ATP6V1A: variants seen among roughly 807,000 people sequenced by gnomAD.
ATP6V1A encodes the protein V-type proton ATPase catalytic subunit A.
In ATP6V1A, 18 loss-of-function variants were observed where a neutral mutation model predicts 70.1. The observed-to-expected ratio is 0.26, with a 90% CI of 0.18 to 0.38. ATP6V1A has a LOEUF of 0.38. Among genes scored for constraint, ATP6V1A ranks in the 10% least tolerant of loss-of-function variants. ATP6V1A has a pLI of 1.00. For synonymous variants in ATP6V1A, 232 were observed against 253.8 expected, an observed-to-expected ratio of 0.91 and a Z score of 0.82; for missense variants, 424 against 772.4, an observed-to-expected ratio of 0.55 and a Z score of 5.35.
intron 13 of ATP6V1A, among the ~76,000 whole-genome samples, chr3:113,804,806 C>G (rs890718950): frequency 6.6e-6 from 1 of 152,194 alleles, no homozygotes. Flanking sequence ...ATGTATGTGA[C>G]TGAAGTTGAA....
At chr3:113,809,116 GT>G (rs1709312047) in intron 14 of ATP6V1A, among the ~76,000 whole-genome samples, 1 of 151,932 alleles carries the variant, frequency 6.6e-6, no homozygotes, top group African/African-American at 2.4e-5. Flanking sequence ...TTAGCTGGGC[GT>G]GATGGTGGGC....
rs1346846793 is a variant in ATP6V1A, at chr3:113,773,128, C to T, written c.-13-5613C>T. On this transcript the variant is annotated intron_variant, in intron 1 of 14. Transcript: ENST00000273398. The stretch of plus-strand genomic sequence containing the variant: ...AATTTTTTTGTATTTTTAGTAGAGG[C>T]GGGGTTTCACCATGTTGGTCAGGCT... Among the ~76,000 whole-genome samples, 10 of 151,560 alleles carry T rather than the reference C, an allele frequency of 6.6e-5. No individual in the cohort carries two copies. The East Asian group carries it at 2.0e-3, about 30-fold the overall frequency.
At chr3:113,753,430 C>T (rs778120257) in intron 1 of ATP6V1A, among the ~76,000 whole-genome samples, 5 of 152,120 alleles carry the variant, frequency 3.3e-5, no homozygotes, top group Non-Finnish European at 7.3e-5. Flanking sequence ...ATCAGTCTAA[C>T]TCCATGTAAT....
chr3:113,763,376 C>G (rs1198049175), intron 1 of ATP6V1A, among the ~76,000 whole-genome samples: 1 of 152,190 alleles, frequency 6.6e-6, no homozygotes, highest in Non-Finnish European at 1.5e-5. Context: ...CATGAGCCGC[C>G]ACACCCAGTC....
intron 1 of ATP6V1A, among the ~76,000 whole-genome samples, chr3:113,777,849 G>C (rs1244857111): frequency 1.3e-5 from 2 of 152,210 alleles, no homozygotes; most frequent in Non-Finnish European, 1.5e-5. Flanking sequence ...GGTAGAATGT[G>C]CTTGTGTTTT....
chr3:113,747,719 G>A (rs1708538720), intron 1 of ATP6V1A, among the ~76,000 whole-genome samples: 1 of 152,132 alleles, frequency 6.6e-6, no homozygotes, highest in African/African-American at 2.4e-5. Flanking sequence ...GTAAAAGAAG[G>A]GCTTTTACTT....
At chr3:113,782,862 T>C (rs1177553942) in intron 3 of ATP6V1A, among the ~76,000 whole-genome samples, 2 of 151,852 alleles carry the variant, frequency 1.3e-5, no homozygotes, top group African/African-American at 4.8e-5. Flanking sequence ...GACCTCACGA[T>C]CCACCTGCCC....
At chr3:113,776,826 G>C (rs550305737) in intron 1 of ATP6V1A, among the ~76,000 whole-genome samples, 1 of 152,226 alleles carries the variant, frequency 6.6e-6, no homozygotes, top group South Asian at 2.1e-4. Flanking sequence ...TACCAGTCAG[G>C]CTGGTCTGTT....
chr3:113,783,253 G>T (rs1420564643), intron 3 of ATP6V1A, among the ~76,000 whole-genome samples: 1 of 152,036 alleles, frequency 6.6e-6, no homozygotes, highest in Non-Finnish European at 1.5e-5. Flanking sequence ...GTGCTACATT[G>T]TAAGTATAGT....
intron 3 of ATP6V1A, among the ~76,000 whole-genome samples, chr3:113,783,214 TG>T (rs1349310610): frequency 6.6e-6 from 1 of 152,216 alleles, no homozygotes; most frequent in East Asian, 1.9e-4. Flanking sequence ...ATAGAAGTTT[TG>T]GTTTCTAGTT....
Position 113,798,401 on chromosome 3 carries a change from G to T in ATP6V1A, c.1449G>T (p.Leu483=), listed in dbSNP as rs780517212. The change falls in exon 12 of 15, where the codon CTG becomes CTT. Residue 483 remains leucine, a synonymous_variant. Transcript: ENST00000273398. The part of the protein sequence containing the change: ...VPLRTKAKEI[L]QEEEDLAEIV... ...TGAGGACGAAAGCTAAGGAAATTCT[G>T]CAGGAAGAAGAAGACCTGGCAGAAA... The T allele has an allele frequency of 8.1e-6, 13 of 1,613,968 alleles. No homozygotes were observed. The highest frequency in any genetic ancestry group is 9.3e-6 in the Non-Finnish European group (11 of 1,179,918).
intron 1 of ATP6V1A, among the ~76,000 whole-genome samples, chr3:113,753,212 T>A (rs1052010049): frequency 6.6e-6 from 1 of 152,212 alleles, no homozygotes; most frequent in Admixed American, 6.6e-5. Flanking sequence ...CAGTAAAGGA[T>A]GTGTAACCTT....
intron 1 of ATP6V1A, among the ~76,000 whole-genome samples, chr3:113,774,540 T>TG (rs1370205564): frequency 1.3e-5 from 2 of 152,008 alleles, no homozygotes; most frequent in Non-Finnish European, 1.5e-5. Context: ...ATTTGCTGGG[T>TG]GCGGTGGCTC....
chr3:113,788,232 T>G (rs1418346931), intron 6 of ATP6V1A, among the ~76,000 whole-genome samples: 2 of 152,200 alleles, frequency 1.3e-5, no homozygotes, highest in Non-Finnish European at 2.9e-5. Flanking sequence ...CTTATTCTTT[T>G]CATATATCCC....
chr3:113,766,064 C>G (rs1215694594), intron 1 of ATP6V1A, among the ~76,000 whole-genome samples: 2 of 152,034 alleles, frequency 1.3e-5, no homozygotes, highest in Non-Finnish European at 2.9e-5. Flanking sequence ...TACATAGGGT[C>G]AGTAAATAAT....
intron 7 of ATP6V1A, among the ~76,000 whole-genome samples, chr3:113,789,498 TTTC>T (rs1459491681): frequency 1.3e-5 from 2 of 152,184 alleles, no homozygotes; most frequent in Non-Finnish European, 2.9e-5. Context: ...TATAGTAGTA[TTTC>T]TTTTTTCATA....
intron 1 of ATP6V1A, among the ~76,000 whole-genome samples, chr3:113,758,254 C>A (rs573675348): frequency 6.6e-6 from 1 of 152,250 alleles, no homozygotes; most frequent in South Asian, 2.1e-4. Flanking sequence ...ATAACTTGTG[C>A]TTTTTAAAAA....
intron 1 of ATP6V1A, among the ~76,000 whole-genome samples, chr3:113,759,813 T>G (rs1253699776): frequency 2.6e-5 from 4 of 152,188 alleles, no homozygotes; most frequent in African/African-American, 9.7e-5. Context: ...CCCACACCCT[T>G]GCCAGTACTG....
At chr3:113,802,370 C>CG (rs1335756798) in intron 12 of ATP6V1A, among the ~76,000 whole-genome samples, 1 of 152,114 alleles carries the variant, frequency 6.6e-6, no homozygotes, top group Non-Finnish European at 1.5e-5. Context: ...CTCACACTGT[C>CG]GCCAGGCTGG....
Sources: allele counts gnomAD v4.1 joint callset (sites outside exome capture counted in the v4.1 genomes callset), GRCh38; gene constraint gnomAD v4.1.1; transcripts MANE v1.5; gene names NCBI Gene and HGNC (gene_info 2026-07-23, HGNC 2026-07-21).